The following CNTNAP2 variants were observed in gnomAD, a reference collection of about 807,000 sequenced individuals.
CNTNAP2 encodes the protein contactin associated protein 2.
In CNTNAP2, 98 loss-of-function variants were observed where a neutral mutation model predicts 155.2. That is an observed-to-expected ratio of 0.63 (90% confidence interval 0.54 to 0.75). The LOEUF (loss-of-function observed/expected upper bound fraction) is 0.75, where lower values mean the gene tolerates loss of function less well. Among genes scored for constraint, CNTNAP2 ranks in the 30% least tolerant of loss-of-function variants. CNTNAP2 has a pLI of 0.00. For synonymous variants in CNTNAP2, 651 were observed against 631.2 expected (o/e 1.03, Z -0.47); for missense variants, 1,727 against 1,688.1 (o/e 1.02, Z -0.40).
intron 1 of CNTNAP2, among the ~76,000 whole-genome samples, chr7:146,524,804 C>G (rs2129137985): frequency 6.6e-6 from 1 of 152,186 alleles, no homozygotes; most frequent in East Asian, 1.9e-4. Flanking sequence ...CATAGCAAAT[C>G]ACATGAAATA....
chr7:147,706,879 G>T (rs763803932), intron 13 of CNTNAP2, among the ~76,000 whole-genome samples: 3 of 151,576 alleles, frequency 2.0e-5, no homozygotes, highest in Non-Finnish European at 2.9e-5. Flanking sequence ...CGCTCTTAAA[G>T]TTCGGAAATT....
chr7:146,395,428 G>C lies in CNTNAP2; in HGVS notation c.97+278455G>C, dbSNP rs185951602. 6.6e-5 allele frequency among the ~76,000 whole-genome samples: 10 copies of C among 150,500 alleles called. No homozygotes were observed. The East Asian group carries it at 2.0e-3, about 29-fold the overall frequency. ...AGTTAGTACTGCGTACACATTACAT[G>C]CTCAACACATAATAGTGCTAAATAG... On this transcript the variant is annotated intron_variant, in intron 1 of 23. Coordinates refer to ENST00000361727, the MANE Select transcript of CNTNAP2 (RefSeq NM_014141.6).
At chr7:146,751,976 T>A (rs1055363412) in intron 1 of CNTNAP2, among the ~76,000 whole-genome samples, 1 of 152,188 alleles carries the variant, frequency 6.6e-6, no homozygotes, top group Non-Finnish European at 1.5e-5. Context: ...TAGGCCTGCA[T>A]AATATTCCAT....
chr7:147,635,436 A>G (rs572348465), intron 12 of CNTNAP2, among the ~76,000 whole-genome samples: 1 of 152,090 alleles, frequency 6.6e-6, no homozygotes, highest in South Asian at 2.1e-4. Context: ...AGCTCCAAAA[A>G]TGTATAAATG....
intron 1 of CNTNAP2, among the ~76,000 whole-genome samples, chr7:146,615,054 T>G (rs565378470): frequency 6.6e-6 from 1 of 152,256 alleles, no homozygotes; most frequent in Non-Finnish European, 1.5e-5. Context: ...TCTTGGTGAT[T>G]TGGGGGAAGG....
intron 2 of CNTNAP2, among the ~76,000 whole-genome samples, chr7:146,783,806 C>A (rs1175338078): frequency 2.0e-5 from 3 of 152,198 alleles, no homozygotes; most frequent in Non-Finnish European, 2.9e-5. Flanking sequence ...TCAGACTGGA[C>A]AGATCTTGTG....
chr7:146,972,648 C>T lies in CNTNAP2; in HGVS notation c.403-71259C>T, dbSNP rs928087650. Among the ~76,000 whole-genome samples the T allele has an allele frequency of 5.9e-5, 9 of 152,262 alleles. No homozygotes were observed. The East Asian group carries it at 9.7e-4, about 16-fold the overall frequency. ...CTGCCTTTGTGGGTGATTTATTCCACAGAGCTCTTTCAATTGTTTAGCTGC... is the reference window on the plus strand; with the variant it reads ...CTGCCTTTGTGGGTGATTTATTCCATAGAGCTCTTTCAATTGTTTAGCTGC... On this transcript the variant is annotated intron_variant, in intron 3 of 23. Coordinates refer to ENST00000361727, the MANE Select transcript of CNTNAP2 (RefSeq NM_014141.6).
chr7:148,348,046 A>G (rs538469912), intron 21 of CNTNAP2, among the ~76,000 whole-genome samples: 6 of 152,212 alleles, frequency 3.9e-5, no homozygotes, highest in African/African-American at 1.4e-4. Context: ...GGCTAGTTTT[A>G]TCTGAAAGTT....
intron 13 of CNTNAP2, chr7:147,894,009 A>G (rs1267030254): frequency 1.3e-5 from 2 of 152,236 alleles, no homozygotes; most frequent in Non-Finnish European, 2.9e-5. Flanking sequence ...TTGATCTTCC[A>G]AATTACAGCT....
chr7:148,151,739 T>C lies in CNTNAP2; in HGVS notation c.2773+4030T>C, dbSNP rs539689211. Among the ~76,000 whole-genome samples the C allele has an allele frequency of 5.3e-5, 8 of 152,340 alleles. No homozygotes were observed. The Middle Eastern group carries it at 0.01, about 194-fold the overall frequency. On this transcript the variant is annotated intron_variant, in intron 17 of 23. Transcript: ENST00000361727. ...TGGGCTCATTACTTCTTTCTTGAAA[T>C]ATTGACTTGAAATGTGATCACTTCC...
intron 1 of CNTNAP2, among the ~76,000 whole-genome samples, chr7:146,614,445 A>G (rs533841886): frequency 8.0e-4 from 122 of 152,304 alleles, no homozygotes; most frequent in Non-Finnish European, 1.5e-3. Context: ...GTCCACCTTG[A>G]ATATAACAAA....
chr7:147,656,778 C>CAA (rs112754635), intron 13 of CNTNAP2, among the ~76,000 whole-genome samples: 4 of 151,806 alleles, frequency 2.6e-5, no homozygotes, highest in Non-Finnish European at 5.9e-5. Flanking sequence ...CAAACAACAA[C>CAA]AAAAAAACCC....
At chr7:146,870,276 G>A (rs1230149179) in intron 3 of CNTNAP2, among the ~76,000 whole-genome samples, 1 of 151,414 alleles carries the variant, frequency 6.6e-6, no homozygotes, top group Admixed American at 6.6e-5. Flanking sequence ...TTATTGGTCT[G>A]TTTGGGGAAT....
At chr7:147,838,853 A>T (rs1400176831) in intron 13 of CNTNAP2, among the ~76,000 whole-genome samples, 1 of 152,080 alleles carries the variant, frequency 6.6e-6, no homozygotes, top group Non-Finnish European at 1.5e-5. Flanking sequence ...ATTTTTTGGT[A>T]TCTTTTCAGT....
At chr7:146,857,427 T>C (rs1451066913) in intron 3 of CNTNAP2, among the ~76,000 whole-genome samples, 2 of 152,220 alleles carry the variant, frequency 1.3e-5, no homozygotes, top group Admixed American at 1.3e-4. Flanking sequence ...ATTCGTTTGT[T>C]TGTTTTAACA....
chr7:147,368,594 G>A (rs1350645869), intron 9 of CNTNAP2, among the ~76,000 whole-genome samples: 1 of 152,084 alleles, frequency 6.6e-6, no homozygotes, highest in African/African-American at 2.4e-5. Context: ...GAGCTGGAAG[G>A]GTCAGTCTGA....
At chr7:146,165,501 A>C (rs1216406003) in intron 1 of CNTNAP2, among the ~76,000 whole-genome samples, 1 of 152,206 alleles carries the variant, frequency 6.6e-6, no homozygotes, top group Non-Finnish European at 1.5e-5. Flanking sequence ...AAGTTATCCA[A>C]GTGTGATGCT....
intron 2 of CNTNAP2, among the ~76,000 whole-genome samples, chr7:146,801,603 G>T (rs1256530077): frequency 6.6e-6 from 1 of 152,100 alleles, no homozygotes; most frequent in East Asian, 1.9e-4. Flanking sequence ...CTAAAAAGTT[G>T]GTTAGATCCA....
intron 1 of CNTNAP2, among the ~76,000 whole-genome samples, chr7:146,448,045 T>A (rs1402245024): frequency 6.6e-6 from 1 of 152,032 alleles, no homozygotes; most frequent in Non-Finnish European, 1.5e-5. Context: ...CCTCTTATTC[T>A]TAATTTAATT....
Sources: gnomAD v4.1 joint callset for allele counts (sites outside exome capture counted in the v4.1 genomes callset) on GRCh38, gnomAD v4.1.1 for gene constraint, MANE v1.5 for transcripts, NCBI Gene and HGNC (gene_info 2026-07-23, HGNC 2026-07-21) for gene names.